The following UBAP2L variants were observed in gnomAD, a reference collection of about 807,000 sequenced individuals.
UBAP2L encodes ubiquitin associated protein 2 like, also known as ubiquitin-associated protein 2-like.
Under a neutral mutation model 130.6 loss-of-function variants are expected in UBAP2L, and 12 were observed. The observed-to-expected ratio is 0.09, with a 90% CI of 0.06 to 0.15. The LOEUF (loss-of-function observed/expected upper bound fraction) is 0.15. UBAP2L is among the 10% of genes least tolerant of loss of function. The pLI, the probability that UBAP2L is intolerant of heterozygous loss-of-function variation, is 1.00. For synonymous variants in UBAP2L, 503 were observed against 524.7 expected (o/e 0.96, Z 0.57); for missense variants, 965 against 1,332.5 (o/e 0.72, Z 4.29).
At chr1:154,231,836 A>G (rs1208324154) in intron 4 of UBAP2L, among the ~76,000 whole-genome samples, 8 of 152,224 alleles carry the variant, frequency 5.3e-5, no homozygotes, top group African/African-American at 1.4e-4. Context: ...AGTTGTAGAC[A>G]TAATACTTGA....
Position 154,245,204 on chromosome 1 carries a change from G to A in UBAP2L, c.843-1000G>A, listed in dbSNP as rs187863377. 2.7e-4 allele frequency among the ~76,000 whole-genome samples: 41 copies of A among 152,302 alleles called. 1 individual carries two copies. The highest frequency in any genetic ancestry group is 2.4e-3 in the Admixed American group (36 of 15,302). On this transcript the variant is annotated intron_variant, in intron 10 of 26. Coordinates refer to ENST00000428931, the MANE Select transcript of UBAP2L (RefSeq NM_014847.4). ...CCTCCCAAAGTGCCGAGTTACAGGT[G>A]TGAGCCACTGCATCCAGCCTTATCT... is the stretch of plus-strand genomic sequence containing the variant.
At chr1:154,227,450 T>C in intron 3 of UBAP2L, 91 bp downstream of exon 3, 2 of 1,166,466 alleles carry the variant, frequency 1.7e-6, no homozygotes, top group African/African-American at 1.5e-5. Flanking sequence ...CAGGATACTT[T>C]CTACTATAGG....
At chr1:154,220,437 G>C, upstream of UBAP2L, 1 of 1,613,844 alleles carries the variant, frequency 6.2e-7, no homozygotes, top group Non-Finnish European at 8.5e-7. Flanking sequence ...GAATTGTTCG[G>C]GTTTACCCCG....
At chr1:154,243,152 C>A in intron 9 of UBAP2L, 65 bp from the exon 10 acceptor site, 2 of 1,393,812 alleles carry the variant, frequency 1.4e-6, no homozygotes, top group Non-Finnish European at 1.0e-6. Context: ...ATTCCCCTTA[C>A]CTATGCCAAG....
intron 18 of UBAP2L, 83 bp from the exon 19 acceptor site, chr1:154,256,980 G>A (rs552223962): frequency 5.9e-5 from 87 of 1,472,636 alleles, no homozygotes; most frequent in Non-Finnish European, 7.9e-5. Flanking sequence ...AATATATTCA[G>A]CAGGAGGGAT....
chr1:154,261,766 A>G lies in UBAP2L; in HGVS notation c.2902+69A>G, dbSNP rs144148616. 3.1e-4 allele frequency: 470 copies of G among 1,505,242 alleles called. 1 individual carries two copies. The highest frequency in any genetic ancestry group is 1.9e-3 in the Middle Eastern group (11 of 5,828). 93.2% of individuals were successfully genotyped at this position (1,505,242 alleles called of 1,614,324 possible). A position where few individuals can be genotyped will look rare whatever the true frequency, so the allele number is the denominator to read the frequency against. On this transcript the variant is annotated intron_variant, in intron 24 of 26. Coordinates refer to ENST00000428931, the MANE Select transcript of UBAP2L (RefSeq NM_014847.4). ...TATTGGATAAATTTCAGGGAGGAAG[A>G]CTTGGTGCTTGAGAAAATGGGATTG...
At chr1:154,269,914 G>A (rs1054659301) in intron 26 of UBAP2L, among the ~76,000 whole-genome samples, 5 of 152,154 alleles carry the variant, frequency 3.3e-5, no homozygotes, top group African/African-American at 1.2e-4. Flanking sequence ...GAGAGAGGGG[G>A]TAGTGTGAGA....
chr1:154,232,015 T>C (rs1328182949), intron 4 of UBAP2L, among the ~76,000 whole-genome samples: 1 of 151,960 alleles, frequency 6.6e-6, no homozygotes, highest in African/African-American at 2.4e-5. Flanking sequence ...AGGGCCATGA[T>C]TGAGTTTGAT....
Position 154,270,779 on chromosome 1 carries a change from T to TTG in UBAP2L, c.*485_*486insGT, listed in dbSNP as rs1553288007. ...AAGTGGTTTTTTTTTTGTTTTTTTT[T>TTG]TTTTTTTGTACTGTGTCCTCAAATT... is the stretch of plus-strand genomic sequence containing the variant. On this transcript the variant is annotated 3_prime_UTR_variant, in exon 27 of 27. Transcript: ENST00000428931. The TTG allele has an allele frequency of 4.7e-6, 6 of 1,277,206 alleles. No homozygotes were observed. The highest frequency in any genetic ancestry group is 5.0e-6 in the Non-Finnish European group (5 of 1,008,008). 79.1% of individuals were successfully genotyped at this position (1,277,206 alleles called of 1,614,324 possible). A position where few individuals can be genotyped will look rare whatever the true frequency, so the allele number is the denominator to read the frequency against.
intron 1 of UBAP2L, among the ~76,000 whole-genome samples, chr1:154,223,899 A>G (rs1667131639): frequency 6.6e-6 from 1 of 152,208 alleles, no homozygotes; most frequent in East Asian, 1.9e-4. Flanking sequence ...ATTACGTTGT[A>G]TAAGGTTTCA....
chr1:154,249,561 T>C, intron 12 of UBAP2L, 124 bp downstream of exon 12: 1 of 1,087,950 alleles, frequency 9.2e-7, no homozygotes, highest in Middle Eastern at 3.1e-4. Flanking sequence ...GTTGGTTACC[T>C]TCCCACATGT....
In UBAP2L at chr1:154,236,470, G is replaced by T. The variant is rs185486234; in HGVS notation, c.545-96G>T. 2.6e-5 allele frequency: 35 copies of T among 1,337,096 alleles called. 1 individual carries two copies. The East Asian group carries it at 7.4e-4, about 28-fold the overall frequency. The allele number at this position is 1,337,096 out of a possible 1,614,324, so 82.8% of individuals were successfully genotyped here. A position where few individuals can be genotyped will look rare whatever the true frequency, so the allele number is the denominator to read the frequency against. On this transcript the variant is annotated intron_variant, in intron 6 of 26. Coordinates refer to ENST00000428931, the MANE Select transcript of UBAP2L (RefSeq NM_014847.4). ...CGCCCTCAGCCTTTCAAAGTGCTGG[G>T]ATTACCACCGGGAGCCACTGTGCCT...
At chr1:154,268,988 C>G (rs368268572) in intron 26 of UBAP2L, 34 bp downstream of exon 26, 10 of 1,609,170 alleles carry the variant, frequency 6.2e-6, no homozygotes, top group Non-Finnish European at 7.6e-6. Flanking sequence ...CTTTCCCTTC[C>G]TCTTCCTTCC....
intron 2 of UBAP2L, among the ~76,000 whole-genome samples, chr1:154,226,677 T>C (rs1255953635): frequency 6.6e-6 from 1 of 151,780 alleles, no homozygotes; most frequent in Non-Finnish European, 1.5e-5. Flanking sequence ...ACACATGGCT[T>C]TGTGACTTAA....
intron 10 of UBAP2L, among the ~76,000 whole-genome samples, chr1:154,244,329 A>T (rs1674622180): frequency 6.6e-6 from 1 of 152,154 alleles, no homozygotes; most frequent in Non-Finnish European, 1.5e-5. Flanking sequence ...TTGATAACTC[A>T]CTAGAATGAC....
Position 154,257,147 on chromosome 1 carries a change from C to A in UBAP2L, c.2242C>A (p.Pro748Thr), listed in dbSNP as rs188079310. The change falls in exon 19 of 27, where the codon CCA becomes ACA. Residue 748 changes from proline (P) to threonine (T), a missense_variant. Pro to Thr is a conservative substitution (Grantham distance 38). Around this residue, in one of 9 missense-constraint regions of UBAP2L, gnomAD observed 393 missense variants for 408.1 expected, o/e 0.96. Transcript: ENST00000428931. Reference protein sequence around the residue: ...TTSSTVSAPPPVVSVSSSLNS... With the variant: ...TTSSTVSAPPTVVSVSSSLNS... ...ATCCAGCACAGTCTCTGCACCTCCC[C>A]CAGTGGTCAGTGTCTCCTCCAGTCT... The A allele has an allele frequency of 6.8e-6, 11 of 1,614,192 alleles. No homozygotes were observed. The highest frequency in any genetic ancestry group is 8.5e-6 in the Non-Finnish European group (10 of 1,180,040).
At chr1:154,260,084 G>A (rs1189320091) in intron 22 of UBAP2L, 55 bp downstream of exon 22, 3 of 1,545,222 alleles carry the variant, frequency 1.9e-6, no homozygotes, top group African/African-American at 2.7e-5. Context: ...TGGGATTGAT[G>A]GCAGACACCT....
intron 14 of UBAP2L, among the ~76,000 whole-genome samples, chr1:154,253,498 C>G (rs1162056444): frequency 6.6e-6 from 1 of 151,284 alleles, no homozygotes; most frequent in Non-Finnish European, 1.5e-5. Flanking sequence ...CAGTCTCCTG[C>G]CTACTCCCAA....
At position 154,251,032 on chromosome 1, in the gene UBAP2L, C is replaced by G. The variant is rs758187321; in HGVS notation, c.1214-9C>G. Reference sequence around the variant, plus strand: ...TCTCTGGCTTCATATACTGGGTTTCCTCTTGCAGATTTGAAGAACCCAAGT... The same window carrying G: ...TCTCTGGCTTCATATACTGGGTTTCGTCTTGCAGATTTGAAGAACCCAAGT... On this transcript the variant is annotated splice_polypyrimidine_tract_variant and intron_variant, in intron 12 of 26. Transcript: ENST00000428931. 1.8e-5 allele frequency: 29 copies of G among 1,600,668 alleles called. No homozygotes were observed. Among genetic ancestry groups the G allele is most frequent in the Non-Finnish European group, 2.5e-5 (29 of 1,170,744 alleles).
Sources: allele counts gnomAD v4.1 joint callset (sites outside exome capture counted in the v4.1 genomes callset), GRCh38; gene constraint gnomAD v4.1.1; regional missense constraint gnomAD v4.1.1; transcripts MANE v1.5; gene names NCBI Gene and HGNC (gene_info 2026-07-23, HGNC 2026-07-21).